Variants in ESRRG observed in about 807,000 individuals in gnomAD.
The protein encoded by ESRRG is estrogen-related receptor gamma.
In ESRRG, 13 loss-of-function variants were observed where a neutral mutation model predicts 44.0. That is an observed-to-expected ratio of 0.30 (90% CI 0.19 to 0.47). ESRRG has a LOEUF of 0.47. ESRRG is among the 20% of genes least tolerant of loss of function. ESRRG has a pLI of 1.00. For synonymous variants in ESRRG, 215 were observed against 214.6 expected, an observed-to-expected ratio of 1.00 and a Z score of -0.02; for missense variants, 395 against 580.6, an observed-to-expected ratio of 0.68 and a Z score of 3.29.
chr1:216,616,937 T>A (rs1317144332), intron 3 of ESRRG, among the ~76,000 whole-genome samples: 3 of 152,132 alleles, frequency 2.0e-5, no homozygotes, highest in Non-Finnish European at 4.4e-5. Flanking sequence ...CCCATAGGAA[T>A]CTCCTGTCAC....
intron 1 of ESRRG, among the ~76,000 whole-genome samples, chr1:217,049,713 G>T (rs958999766): frequency 6.6e-6 from 1 of 152,132 alleles, no homozygotes; most frequent in Non-Finnish European, 1.5e-5. Flanking sequence ...CATGGTTGCG[G>T]CCTGAGCTCC....
chr1:216,579,637 A>C (rs1427656769), intron 3 of ESRRG, among the ~76,000 whole-genome samples: 1 of 152,176 alleles, frequency 6.6e-6, no homozygotes, highest in Non-Finnish European at 1.5e-5. Context: ...ATTTCCTGAC[A>C]GACTTCCCTG....
chr1:217,029,006 AG>A (rs2081615287), intron 1 of ESRRG, among the ~76,000 whole-genome samples: 1 of 152,204 alleles, frequency 6.6e-6, no homozygotes, highest in Non-Finnish European at 1.5e-5. Context: ...TTAATTCAAA[AG>A]TAATTGTGTA....
chr1:217,085,551 C>CA lies in ESRRG; in HGVS notation c.-106+3955_-106+3956insT, dbSNP rs774187400. Among the ~76,000 whole-genome samples, 186 of 125,452 alleles carry CA rather than the reference C, an allele frequency of 1.5e-3. 1 individual carries two copies. The highest frequency in any genetic ancestry group is 2.5e-3 in the Non-Finnish European group (149 of 59,780). 82.3% of individuals were successfully genotyped at this position (125,452 alleles called of 152,430 possible). A position where few individuals can be genotyped will look rare whatever the true frequency, so the allele number is the denominator to read the frequency against. ...CTGTCCCCAGGCTGAAGTGCAGTGG[C>CA]GCCATCTCGGCTGACTGCTATCTCT... On this transcript the variant is annotated intron_variant, in intron 1 of 7. Transcript: ENST00000359162.
At chr1:216,616,684 T>C (rs7530898) in intron 3 of ESRRG, among the ~76,000 whole-genome samples, 4,559 of 146,126 alleles carry the variant, frequency 0.031, 228 homozygotes, top group African/African-American at 0.11. Context: ...CACAAACCAC[T>C]GAGCTGATCT....
intron 1 of ESRRG, among the ~76,000 whole-genome samples, chr1:216,714,862 C>T (rs959530228): frequency 2.0e-5 from 3 of 152,058 alleles, no homozygotes; most frequent in Non-Finnish European, 2.9e-5. Context: ...TAATCATTTA[C>T]GGGTAGTACT....
intron 2 of ESRRG, among the ~76,000 whole-genome samples, chr1:216,821,738 AAAT>A (rs1413225114): frequency 1.7e-4 from 25 of 145,878 alleles, no homozygotes; most frequent in Non-Finnish European, 3.1e-4. Context: ...ATAAATAAAT[AAAT>A]AAAATTTAAT....
chr1:216,698,790 A>G (rs1052240870), intron 1 of ESRRG, among the ~76,000 whole-genome samples: 4 of 152,190 alleles, frequency 2.6e-5, no homozygotes, highest in Non-Finnish European at 4.4e-5. Context: ...TATCGAAGAG[A>G]TGCCTCTCTC....
intron 1 of ESRRG, among the ~76,000 whole-genome samples, chr1:216,692,647 C>T (rs1269894608): frequency 6.6e-6 from 1 of 152,094 alleles, no homozygotes; most frequent in Non-Finnish European, 1.5e-5. Flanking sequence ...ATGTCCTAGG[C>T]CTTCACATTC....
intron 3 of ESRRG, among the ~76,000 whole-genome samples, chr1:216,607,449 C>T (rs1477457113): frequency 6.6e-6 from 1 of 152,194 alleles, no homozygotes. Flanking sequence ...AGAGTGGGCG[C>T]TTGCACGGCA....
At chr1:216,783,589 T>C (rs566056261) in intron 2 of ESRRG, among the ~76,000 whole-genome samples, 7 of 152,216 alleles carry the variant, frequency 4.6e-5, no homozygotes, top group Admixed American at 3.9e-4. Flanking sequence ...GTTGCTTATG[T>C]ATTCGGTTTC....
chr1:216,873,208 A>AGTTT (rs2096282440), intron 2 of ESRRG, among the ~76,000 whole-genome samples: 1 of 54,490 alleles, frequency 1.8e-5, no homozygotes, highest in Admixed American at 2.0e-4. Context: ...ACATCTTTTC[A>AGTTT]GTTTTTTTTT....
At chr1:217,124,700 GA>G (rs899641772) in intron 1 of ESRRG, among the ~76,000 whole-genome samples, 1 of 152,044 alleles carries the variant, frequency 6.6e-6, no homozygotes, top group Non-Finnish European at 1.5e-5. Context: ...GAAAAAGAAA[GA>G]AAAAAACCAA....
chr1:216,815,893 T>C (rs74444120), intron 2 of ESRRG, among the ~76,000 whole-genome samples: 2,334 of 152,266 alleles, frequency 0.015, 71 homozygotes, highest in African/African-American at 0.053. Context: ...CCATATGTTA[T>C]TTGGTGTCAC....
At chr1:216,913,418 A>G (rs947388813) in intron 2 of ESRRG, among the ~76,000 whole-genome samples, 1 of 152,206 alleles carries the variant, frequency 6.6e-6, no homozygotes, top group African/African-American at 2.4e-5. Flanking sequence ...CTTCATGGAT[A>G]CTGAGGAATG....
chr1:217,123,447 T>G (rs923605880), intron 1 of ESRRG, among the ~76,000 whole-genome samples: 1 of 152,154 alleles, frequency 6.6e-6, no homozygotes, highest in African/African-American at 2.4e-5. Flanking sequence ...CCTCTTTACA[T>G]GCACATGTAT....
At chr1:216,671,296 A>G (rs1195409496) in intron 2 of ESRRG, among the ~76,000 whole-genome samples, 1 of 152,212 alleles carries the variant, frequency 6.6e-6, no homozygotes. Flanking sequence ...TAACTAAACA[A>G]ATTTCCAGAC....
intron 1 of ESRRG, among the ~76,000 whole-genome samples, chr1:216,993,750 T>C (rs779298534): frequency 6.6e-6 from 1 of 152,134 alleles, no homozygotes; most frequent in Non-Finnish European, 1.5e-5. Context: ...AAATATTGGG[T>C]AGAGATTGCG....
chr1:217,115,059 A>C (rs1304356331), intron 1 of ESRRG, among the ~76,000 whole-genome samples: 1 of 151,910 alleles, frequency 6.6e-6, no homozygotes, highest in Non-Finnish European at 1.5e-5. Context: ...AGAGGTTTCC[A>C]TGTGTCACTG....
Sources: allele counts gnomAD v4.1 joint callset (sites outside exome capture counted in the v4.1 genomes callset), GRCh38; gene constraint gnomAD v4.1.1; transcripts MANE v1.5; gene names NCBI Gene and HGNC (gene_info 2026-07-23, HGNC 2026-07-21).